Variants in SERTAD4 observed in about 807,000 individuals in gnomAD.
The protein encoded by SERTAD4 is SERTA domain containing 4.
SERTAD4 carries 18 observed loss-of-function variants against 32.9 expected under a neutral mutation model. The observed-to-expected ratio is 0.55, with a 90% CI of 0.38 to 0.81. The LOEUF is 0.81. Ranked by LOEUF, SERTAD4 falls within the 30% of genes least tolerant of loss-of-function variation. The probability of loss-of-function intolerance (pLI) is 0.00; values close to 1 mark genes in which losing one functional copy is unlikely to be tolerated. For synonymous variants in SERTAD4, 150 were observed against 156.4 expected, an observed-to-expected ratio of 0.96 and a Z score of 0.30; for missense variants, 383 against 426.0, an observed-to-expected ratio of 0.90 and a Z score of 0.89.
Position 210,246,199 on chromosome 1 carries a change from G to A in SERTAD4, c.*3862G>A, listed in dbSNP as rs1259796758. 6.5e-6 allele frequency: 1 copy of A among 152,984 alleles called. No homozygotes were observed. The highest frequency in any genetic ancestry group is 1.5e-5 in the Non-Finnish European group (1 of 68,734). The allele number at this position is 152,984 out of a possible 1,614,324, so 9.5% of individuals were successfully genotyped here. ...TATAGTGATTCATTTTAAGATTGCTGTATTTTGATTTTGTGGTTTAAAATA... is the reference window on the plus strand; with the variant it reads ...TATAGTGATTCATTTTAAGATTGCTATATTTTGATTTTGTGGTTTAAAATA... On this transcript the variant is annotated 3_prime_UTR_variant, in exon 4 of 4. Transcript: ENST00000367012.
At chr1:210,240,370 C>G (rs921968441) in intron 3 of SERTAD4, among the ~76,000 whole-genome samples, 3 of 152,152 alleles carry the variant, frequency 2.0e-5, no homozygotes. Flanking sequence ...ATTCTTCTTC[C>G]TCTCTGTCTC....
chr1:210,242,208 T>C lies in SERTAD4; in HGVS notation c.942T>C (p.Phe314=), dbSNP rs775765538. The change falls in exon 4 of 4, where the codon TTT becomes TTC. Residue 314 remains phenylalanine (F), a synonymous_variant. Coordinates refer to ENST00000367012, the MANE Select transcript of SERTAD4 (RefSeq NM_019605.5). The surrounding 1 kb of genome is among the most constrained non-coding windows in gnomAD (Gnocchi z 4.0). ...NDLAFECKGQ[F]YDYFETGYNE... ...TTGCTTTTGAGTGCAAAGGCCAATT[T>C]TATGATTATTTTGAGACCGGATATA... is the stretch of plus-strand genomic sequence containing the variant. 6.2e-7 allele frequency: 1 copy of C among 1,614,162 alleles called. No individual in the cohort carries two copies. Among genetic ancestry groups the C allele is most frequent in the Non-Finnish European group, 8.5e-7 (1 of 1,180,030 alleles).
Position 210,242,653 on chromosome 1 carries a change from C to G in SERTAD4, c.*316C>G, listed in dbSNP as rs2084010634. The G allele has an allele frequency of 1.9e-6, 2 of 1,079,926 alleles. No homozygotes were observed. Among genetic ancestry groups the G allele is most frequent in the Non-Finnish European group, 2.2e-6 (2 of 892,400 alleles). The allele number at this position is 1,079,926 out of a possible 1,614,324, so 66.9% of individuals were successfully genotyped here. The stretch of plus-strand genomic sequence containing the variant: ...GCCCTTGCAATATTTCCATTGCCCC[C>G]CAAGGAGCCTGTCACTAGCTAAGAA... On this transcript the variant is annotated 3_prime_UTR_variant, in exon 4 of 4. Transcript: ENST00000367012. The surrounding 1 kb of genome is among the most constrained non-coding windows in gnomAD (Gnocchi z 4.0).
chr1:210,234,050 A>G, intron 1 of SERTAD4: 1 of 306,448 alleles, frequency 3.3e-6, no homozygotes, highest in Non-Finnish European at 6.4e-6. Context: ...TCTTCAGAAG[A>G]GGCACACGGC....
At chr1:210,239,730 T>C (rs186215642) in intron 3 of SERTAD4, 122 bp downstream of exon 3, 1 of 580,960 alleles carries the variant, frequency 1.7e-6, no homozygotes, top group Admixed American at 3.9e-5. Context: ...CACTTCTCAG[T>C]GGAGCCTCAT....
intron 3 of SERTAD4, 45 bp downstream of exon 3, chr1:210,239,653 A>G: frequency 9.1e-7 from 1 of 1,102,638 alleles, no homozygotes; most frequent in South Asian, 1.4e-5. Flanking sequence ...AGTTTAAGAT[A>G]CTTAGTAACA....
rs1487405887 is a variant in SERTAD4, at chr1:210,233,198, G to T, written c.-18+187G>T. ...GCGGCCGGAGCGGAGTCGGGGCGGCGTGGGGGCCAAGGCACAGCTGGGCGC... is the reference window on the plus strand; with the variant it reads ...GCGGCCGGAGCGGAGTCGGGGCGGCTTGGGGGCCAAGGCACAGCTGGGCGC... On this transcript the variant is annotated intron_variant, in intron 1 of 3. Transcript: ENST00000367012. Among the ~76,000 whole-genome samples the T allele has an allele frequency of 2.0e-5, 3 of 152,190 alleles. No homozygotes were observed. The South Asian group carries it at 6.2e-4, about 31-fold the overall frequency.
intron 3 of SERTAD4, among the ~76,000 whole-genome samples, chr1:210,240,928 A>G (rs1001728456): frequency 1.8e-4 from 27 of 152,208 alleles, no homozygotes; most frequent in African/African-American, 5.5e-4. Context: ...GGTTTGAAGT[A>G]TATTCATTAT....
chr1:210,233,803 C>T (rs1158554766), intron 1 of SERTAD4: 2 of 470,306 alleles, frequency 4.3e-6, no homozygotes, highest in African/African-American at 2.0e-5. Context: ...GCAGGGCGCT[C>T]CCGCAACCGC....
Position 210,245,731 on chromosome 1 carries a change from G to A in SERTAD4, c.*3394G>A, listed in dbSNP as rs2084042634. 2 of 869,992 alleles carry A rather than the reference G, an allele frequency of 2.3e-6. No homozygotes were observed. The highest frequency in any genetic ancestry group is 5.3e-5 in the South Asian group (1 of 18,994). 53.9% of individuals were successfully genotyped at this position (869,992 alleles called of 1,614,324 possible). On this transcript the variant is annotated 3_prime_UTR_variant, in exon 4 of 4. Transcript: ENST00000367012. ...CTCATAGTTAACTCCATCAAGACAT[G>A]GCTACCCACCCCTCCAGTTATGAAC...
In SERTAD4 at chr1:210,246,002, A is replaced by G. The variant is rs2084045650; in HGVS notation, c.*3665A>G. On this transcript the variant is annotated 3_prime_UTR_variant, in exon 4 of 4. Transcript: ENST00000367012. ...CTGACAGCCCCTTAAATTTGAAGTT[A>G]TTTCATTTGTAGTTAAGGTTATCAC... is the stretch of plus-strand genomic sequence containing the variant. 1.1e-6 allele frequency: 1 copy of G among 893,700 alleles called. No homozygotes were observed. The highest frequency in any genetic ancestry group is 1.8e-5 in the African/African-American group (1 of 55,288). The allele number at this position is 893,700 out of a possible 1,614,324, so 55.4% of individuals were successfully genotyped here. A position where few individuals can be genotyped will look rare whatever the true frequency, so the allele number is the denominator to read the frequency against.
intron 1 of SERTAD4, among the ~76,000 whole-genome samples, chr1:210,233,410 T>C (rs747460541): frequency 3.8e-4 from 58 of 151,828 alleles, no homozygotes; most frequent in Non-Finnish European, 6.3e-4. Context: ...TCCCTCATCG[T>C]AGGGGAAGGG....
In SERTAD4 at chr1:210,243,292, C is replaced by T. The variant is rs1051193160; in HGVS notation, c.*955C>T. Reference sequence around the variant, plus strand: ...CTGTTAGAAAGCAGCACGGGCTGCTCGAGCTTTTCTATGGCAACTGTGTGT... The same window carrying T: ...CTGTTAGAAAGCAGCACGGGCTGCTTGAGCTTTTCTATGGCAACTGTGTGT... On this transcript the variant is annotated 3_prime_UTR_variant, in exon 4 of 4. Coordinates refer to ENST00000367012, the MANE Select transcript of SERTAD4 (RefSeq NM_019605.5). 29 of 302,108 alleles carry T rather than the reference C, an allele frequency of 9.6e-5. No homozygotes were observed. The highest frequency in any genetic ancestry group is 1.4e-4 in the Non-Finnish European group (28 of 206,662). 18.7% of individuals were successfully genotyped at this position (302,108 alleles called of 1,614,324 possible).
intron 1 of SERTAD4, among the ~76,000 whole-genome samples, chr1:210,233,253 G>C (rs2083896238): frequency 6.6e-6 from 1 of 152,060 alleles, no homozygotes; most frequent in Non-Finnish European, 1.5e-5. Context: ...CCCTGGGCTA[G>C]CGTGCGCCGC....
intron 2 of SERTAD4, 23 bp downstream of exon 2, chr1:210,238,158 A>T (rs746976817): frequency 4.2e-6 from 6 of 1,430,368 alleles, no homozygotes; most frequent in African/African-American, 1.4e-5. Context: ...ACCTGCGCCC[A>T]TCCCCCCCAC....
chr1:210,236,033 G>T (rs576971972), intron 1 of SERTAD4, among the ~76,000 whole-genome samples: 13 of 152,308 alleles, frequency 8.5e-5, no homozygotes, highest in Admixed American at 8.5e-4. Flanking sequence ...CTTAGAATAG[G>T]TGAAGAAACT....
intron 1 of SERTAD4, among the ~76,000 whole-genome samples, chr1:210,234,254 G>A (rs1025908419): frequency 2.0e-5 from 3 of 151,880 alleles, no homozygotes; most frequent in Admixed American, 2.0e-4. Context: ...GCCTTCAAGA[G>A]GTCGGCCCTC....
At chr1:210,233,460 C>T (rs925044906) in intron 1 of SERTAD4, among the ~76,000 whole-genome samples, 5 of 152,144 alleles carry the variant, frequency 3.3e-5, no homozygotes, top group African/African-American at 1.2e-4. Context: ...GATGCCGCGG[C>T]GCTTGGCAGG....
rs751126593 is a variant in SERTAD4, at chr1:210,239,607, A to C, written c.290A>C (p.Lys97Thr). Residue 97 changes from lysine (K) to threonine (T), a missense_variant and splice_region_variant, in exon 3 of 4, where the codon AAA becomes ACA. Lys to Thr is a moderately conservative substitution (Grantham distance 78). Around this residue, in one of 3 missense-constraint regions of SERTAD4, gnomAD observed 107 missense variants for 158.8 expected, o/e 0.67. Transcript: ENST00000367012. ...CCACCACTCAGCAGCTGTAGCCATA[A>C]AGTATGTTTTTTTAATAGTCATTAT... ...FHPPLSSCSH[K>T]TISIFEERAH... 1.9e-6 allele frequency: 3 copies of C among 1,550,932 alleles called. No individual in the cohort carries two copies. Among genetic ancestry groups the C allele is most frequent in the Non-Finnish European group, 2.7e-6 (3 of 1,129,524 alleles).
Sources: gnomAD v4.1 joint callset for allele counts (sites outside exome capture counted in the v4.1 genomes callset) on GRCh38, gnomAD v4.1.1 for gene constraint, gnomAD v4.1.1 regional missense constraint, Gnocchi (gnomAD v3.1) non-coding constraint, MANE v1.5 for transcripts, NCBI Gene and HGNC (gene_info 2026-07-23, HGNC 2026-07-21) for gene names.